R3HDM2: variants seen among roughly 807,000 people sequenced by gnomAD.
R3HDM2 encodes R3H domain-containing protein 2.
In R3HDM2, 38 loss-of-function variants were observed where a neutral mutation model predicts 124.5. That is an observed-to-expected ratio of 0.31 (90% CI 0.24 to 0.40). R3HDM2 has a LOEUF of 0.40. Among genes scored for constraint, R3HDM2 ranks in the 10% least tolerant of loss-of-function variants. The probability of loss-of-function intolerance (pLI) is 1.00; values close to 1 mark genes in which losing one functional copy is unlikely to be tolerated. For synonymous variants in R3HDM2, 391 were observed against 448.0 expected (o/e 0.87, Z 1.61); for missense variants, 869 against 1,236.9 (o/e 0.70, Z 4.46).
intron 19 of R3HDM2, among the ~76,000 whole-genome samples, chr12:57,260,833 AGTGAGC>A (rs2040610888): frequency 6.6e-6 from 1 of 152,142 alleles, no homozygotes; most frequent in Non-Finnish European, 1.5e-5. Context: ...CATGCTGGGA[AGTGAGC>A]GTGATTGTTT....
At chr12:57,375,810 T>C (rs529826417) in intron 2 of R3HDM2, among the ~76,000 whole-genome samples, 2 of 152,096 alleles carry the variant, frequency 1.3e-5, no homozygotes, top group South Asian at 4.2e-4. Context: ...GTAGCTGGGA[T>C]TACAGGCCCA....
intron 19 of R3HDM2, among the ~76,000 whole-genome samples, chr12:57,266,012 G>C (rs1406134349): frequency 2.0e-5 from 3 of 151,982 alleles, no homozygotes; most frequent in Non-Finnish European, 2.9e-5. Flanking sequence ...TGCCAGGCTG[G>C]TCTTGAACTC....
intron 1 of R3HDM2, among the ~76,000 whole-genome samples, chr12:57,407,629 A>C (rs1347339767): frequency 3.3e-5 from 5 of 149,984 alleles, no homozygotes; most frequent in Non-Finnish European, 5.9e-5. Context: ...CTGGTCTTGA[A>C]CTCCTGACCT....
intron 1 of R3HDM2, among the ~76,000 whole-genome samples, chr12:57,402,826 G>A (rs2068162137): frequency 1.3e-5 from 2 of 151,922 alleles, no homozygotes; most frequent in South Asian, 4.2e-4. Flanking sequence ...CAAAATGCTG[G>A]GATTACAGAC....
chr12:57,276,423 A>G (rs1426614911), intron 14 of R3HDM2, among the ~76,000 whole-genome samples: 1 of 152,232 alleles, frequency 6.6e-6, no homozygotes, highest in Non-Finnish European at 1.5e-5. Context: ...GTATATACAC[A>G]CAATGGAATA....
chr12:57,325,038 C>T (rs2136398446), intron 2 of R3HDM2, among the ~76,000 whole-genome samples: 1 of 152,310 alleles, frequency 6.6e-6, no homozygotes, highest in Middle Eastern at 3.4e-3. Context: ...CTGGAAGCCA[C>T]AGAGGCTTCA....
chr12:57,403,517 A>G (rs1204919045), intron 1 of R3HDM2, among the ~76,000 whole-genome samples: 1 of 150,602 alleles, frequency 6.6e-6, no homozygotes, highest in Non-Finnish European at 1.5e-5. Context: ...AATAAAAAAG[A>G]GCAAGATGGG....
intron 2 of R3HDM2, among the ~76,000 whole-genome samples, chr12:57,310,770 T>C (rs2053747782): frequency 6.6e-6 from 1 of 152,182 alleles, no homozygotes; most frequent in Admixed American, 6.5e-5. Flanking sequence ...GTTCCTCATG[T>C]CCCTTTGTAA....
intron 23 of R3HDM2, 142 bp downstream of exon 23, chr12:57,255,848 C>T (rs554508493): frequency 1.9e-4 from 126 of 656,104 alleles, no homozygotes; most frequent in Middle Eastern, 4.2e-4. Flanking sequence ...TTCACTTCTC[C>T]AGTTTCTGCT....
chr12:57,258,260 T>G, intron 20 of R3HDM2, 123 bp from the exon 21 acceptor site: 1 of 885,496 alleles, frequency 1.1e-6, no homozygotes, highest in Non-Finnish European at 1.5e-6. Context: ...TCTGCCAAAG[T>G]CAGACTCTTC....
chr12:57,372,348 C>T (rs1438577594), intron 2 of R3HDM2, among the ~76,000 whole-genome samples: 2 of 152,028 alleles, frequency 1.3e-5, no homozygotes, highest in Non-Finnish European at 2.9e-5. Flanking sequence ...AAAGAACTGC[C>T]GCAATACAGA....
chr12:57,310,170 A>T, intron 3 of R3HDM2, 94 bp downstream of exon 3: 1 of 878,070 alleles, frequency 1.1e-6, no homozygotes, highest in Non-Finnish European at 1.6e-6. Context: ...TAATTGTGCC[A>T]CTGCACTCCA....
At chr12:57,295,374 A>G (rs1157139218) in intron 10 of R3HDM2, 25 bp downstream of exon 10, 2 of 1,487,792 alleles carry the variant, frequency 1.3e-6, no homozygotes. Context: ...CTCTCTATAT[A>G]GGCCCACCCC....
chr12:57,268,071 T>C, intron 18 of R3HDM2: 1 of 350,760 alleles, frequency 2.9e-6, no homozygotes, highest in Non-Finnish European at 5.1e-6. Flanking sequence ...ATGGAGGAAA[T>C]CATAAATTAT....
chr12:57,253,803 C>A lies in R3HDM2; in HGVS notation c.*970G>T. 5.7e-6 allele frequency: 1 copy of A among 175,638 alleles called. No homozygotes were observed. Among genetic ancestry groups the A allele is most frequent in the South Asian group, 1.2e-4 (1 of 8,290 alleles). 10.9% of individuals were successfully genotyped at this position (175,638 alleles called of 1,614,324 possible). ...TTTTTTTTTATATTTAAAAACAAAA[C>A]CAACCTCCCCCCAAATAACCCCCAA... On this transcript the variant is annotated 3_prime_UTR_variant, in exon 24 of 24. Transcript: ENST00000402412.
At chr12:57,342,252 T>C (rs1447905675) in intron 2 of R3HDM2, among the ~76,000 whole-genome samples, 1 of 152,186 alleles carries the variant, frequency 6.6e-6, no homozygotes, top group East Asian at 1.9e-4. Flanking sequence ...TGCCGGAATT[T>C]TGCCGGAAGA....
chr12:57,404,957 C>G (rs1566497229), intron 1 of R3HDM2, among the ~76,000 whole-genome samples: 1 of 152,014 alleles, frequency 6.6e-6, no homozygotes, highest in Non-Finnish European at 1.5e-5. Context: ...ACCTTTGAAT[C>G]TTTAAGTAGG....
In R3HDM2 at chr12:57,340,436, C is replaced by T. The variant is rs574531564; in HGVS notation, c.-35-29973G>A. Among the ~76,000 whole-genome samples, 9 of 152,288 alleles carry T rather than the reference C, an allele frequency of 5.9e-5. No individual in the cohort carries two copies. The East Asian group carries it at 1.3e-3, about 23-fold the overall frequency. ...CCTTATAGCTCCTGTCTCTGGCAAA[C>T]ATCTAAATAGGTTATTCTTCTAGAA... On this transcript the variant is annotated intron_variant, in intron 2 of 23. Transcript: ENST00000402412.
chr12:57,428,375 T>C (rs1018100793), intron 1 of R3HDM2, among the ~76,000 whole-genome samples: 2 of 151,904 alleles, frequency 1.3e-5, no homozygotes, highest in Admixed American at 6.6e-5. Flanking sequence ...CTCATGCCTG[T>C]AATCCCAGCA....
Sources: gnomAD v4.1 joint callset for allele counts (sites outside exome capture counted in the v4.1 genomes callset) on GRCh38, gnomAD v4.1.1 for gene constraint, MANE v1.5 for transcripts, NCBI Gene and HGNC (gene_info 2026-07-23, HGNC 2026-07-21) for gene names.